BDP1: variants seen among roughly 807,000 people sequenced by gnomAD.
The protein encoded by BDP1 is BDP1 general transcription factor IIIB subunit, also known as transcription factor TFIIIB component B'' homolog.
In BDP1, 169 loss-of-function variants were observed where a neutral mutation model predicts 266.6. That is an observed-to-expected ratio of 0.63 (90% CI 0.56 to 0.72). The LOEUF (loss-of-function observed/expected upper bound fraction) is 0.72. BDP1 is among the 30% of genes least tolerant of loss of function. BDP1 has a pLI of 0.00. For missense variants in BDP1, 3,015 were observed against 3,053.8 expected (o/e 0.99, Z 0.30); for synonymous variants, 1,090 against 1,022.4 (o/e 1.07, Z -1.26).
chr5:71,494,149 C>T (rs750940580), intron 11 of BDP1, among the ~76,000 whole-genome samples: 2 of 151,888 alleles, frequency 1.3e-5, no homozygotes, highest in Non-Finnish European at 2.9e-5. Context: ...AGTTACTGAT[C>T]GGGAGATTTT....
At chr5:71,576,985 A>G in the BDP1 span, among the ~76,000 whole-genome samples, 332 of 152,292 alleles carry the variant, frequency 2.2e-3, 3 homozygotes, top group African/African-American at 7.7e-3. Context: ...TCACCACTCA[A>G]TTTACAGTTT....
Position 71,512,431 on chromosome 5 carries a change from A to T in BDP1, c.4247+3A>T, listed in dbSNP as rs754352553. ...CAGTTTTCAGATATTAATTTAAGGTACAAGTGTGTTTTTAAAGAAAAAGAT... is the reference window on the plus strand; with the variant it reads ...CAGTTTTCAGATATTAATTTAAGGTTCAAGTGTGTTTTTAAAGAAAAAGAT... On this transcript the variant is annotated splice_donor_region_variant and intron_variant, in intron 18 of 38. Transcript: ENST00000358731. The T allele has an allele frequency of 6.6e-7, 1 of 1,504,208 alleles. No homozygotes were observed. The highest frequency in any genetic ancestry group is 8.8e-7 in the Non-Finnish European group (1 of 1,130,456). The allele number at this position is 1,504,208 out of a possible 1,614,324, so 93.2% of individuals were successfully genotyped here.
At chr5:71,464,726 T>G (rs1164306795) in intron 4 of BDP1, among the ~76,000 whole-genome samples, 2 of 138,764 alleles carry the variant, frequency 1.4e-5, no homozygotes, top group Non-Finnish European at 3.2e-5. Flanking sequence ...TTTTTTTTTT[T>G]TTTTTTTTTT....
chr5:71,482,785 TA>T (rs1185710139), intron 7 of BDP1, among the ~76,000 whole-genome samples: 1 of 152,218 alleles, frequency 6.6e-6, no homozygotes, highest in Non-Finnish European at 1.5e-5. Flanking sequence ...AGGAAATGTT[TA>T]AATAACAGTA....
chr5:71,461,847 G>C lies in BDP1; in HGVS notation c.520G>C (p.Glu174Gln), dbSNP rs1458739331. 3 of 1,605,196 alleles carry C rather than the reference G, an allele frequency of 1.9e-6. No homozygotes were observed. ...ATGGAAAAACAAATATGCTATAAAT[G>C]AAAGTCAGAGGCCACCAGATCGTTC... ...KQWKNKYAIN[E>Q]SQRPPDRSKM... The change falls in exon 3 of 39, where the codon GAA (glutamate) becomes CAA (glutamine). Residue 174 changes from glutamate (E) to glutamine (Q), a missense_variant. This residue lies in a region of BDP1 where 2,383 missense variants were observed against 2,404.9 expected (regional missense o/e 0.99). Transcript: ENST00000358731.
rs375877073 is a variant in BDP1 at position 71,461,926 on chromosome 5, C to T, written c.599C>T (p.Thr200Ile). The T allele has an allele frequency of 3.0e-5, 38 of 1,285,670 alleles. No individual in the cohort carries two copies. The highest frequency in any genetic ancestry group is 9.8e-5 in the Admixed American group (5 of 50,930). The allele number at this position is 1,285,670 out of a possible 1,614,324, so 79.6% of individuals were successfully genotyped here. ...TATCTACCAGATAATAATCCAATGA[C>T]GTAAGTAAAATTTATTTCTGCTTTA... ...IYYLPDNNPM[T>I]SSLEQEKKTE... Residue 200 changes from threonine to isoleucine, a missense_variant and splice_region_variant, in exon 3 of 39, where the codon ACT becomes ATT. Transcript: ENST00000358731.
rs770842132 is a variant in BDP1 at position 71,466,067 on chromosome 5, G to A, written c.660-29G>A. On this transcript the variant is annotated intron_variant, in intron 4 of 38. Transcript: ENST00000358731. ...ATTTAGGCACACTTTTCATGCCTTTGTGAATTAACTTATCTTTATATGTGG... is the reference window on the plus strand; with the variant it reads ...ATTTAGGCACACTTTTCATGCCTTTATGAATTAACTTATCTTTATATGTGG... 2.5e-6 allele frequency: 4 copies of A among 1,606,982 alleles called. No homozygotes were observed. The African/African-American group carries it at 4.0e-5, about 16-fold the overall frequency.
chr5:71,500,282 A>ACC (rs1323657045), intron 13 of BDP1, among the ~76,000 whole-genome samples: 1 of 129,366 alleles, frequency 7.7e-6, no homozygotes, highest in Admixed American at 7.3e-5. Flanking sequence ...TTTTTTCTTT[A>ACC]CCTTTTTTTC....
chr5:71,479,203 G>A (rs376999475), intron 7 of BDP1, among the ~76,000 whole-genome samples: 3 of 151,512 alleles, frequency 2.0e-5, no homozygotes, highest in East Asian at 3.9e-4. Flanking sequence ...TCATGCGCCC[G>A]GCTAATTTTT....
chr5:71,559,147 C>T (rs542284486), intron 36 of BDP1, among the ~76,000 whole-genome samples: 33 of 152,290 alleles, frequency 2.2e-4, no homozygotes, highest in African/African-American at 7.2e-4. Context: ...GAGCGAGACT[C>T]TGTCTCAAAA....
intron 11 of BDP1, chr5:71,494,501 A>G (rs1466643489): frequency 6.6e-6 from 1 of 152,110 alleles, no homozygotes; most frequent in Non-Finnish European, 1.5e-5. Flanking sequence ...TATTTGAAAT[A>G]TTTTTTAATA....
At chr5:71,514,047 T>C (rs1765092060) in intron 19 of BDP1, among the ~76,000 whole-genome samples, 1 of 152,124 alleles carries the variant, frequency 6.6e-6, no homozygotes, top group Non-Finnish European at 1.5e-5. Context: ...TTTCACTCTC[T>C]TGTGAAGGTG....
Position 71,510,160 on chromosome 5 carries a change from A to G in BDP1, c.3068A>G (p.Glu1023Gly), listed in dbSNP as rs746182666. ...NATGRESSPR[E>G]KTPEVIDATE... ...ACTGGAAGAGAGAGTTCTCCAAGGG[A>G]GAAGACACCAGAGGTGATTGATGCT... is the stretch of plus-strand genomic sequence containing the variant. Residue 1023 changes from glutamate to glycine, a missense_variant, in exon 17 of 39, where the codon GAG (glutamate) becomes GGG (glycine). This residue lies in a region of BDP1 where 2,383 missense variants were observed against 2,404.9 expected (regional missense o/e 0.99). Transcript: ENST00000358731. The G allele has an allele frequency of 1.9e-6, 3 of 1,613,894 alleles. No homozygotes were observed. Among genetic ancestry groups the G allele is most frequent in the East Asian group, 4.5e-5 (2 of 44,814 alleles).
At chr5:71,533,674 G>A (rs932149382) in intron 26 of BDP1, among the ~76,000 whole-genome samples, 4 of 151,668 alleles carry the variant, frequency 2.6e-5, no homozygotes, top group Admixed American at 6.6e-5. Context: ...GTGTTGTTCA[G>A]GCTGGTCTCG....
At chr5:71,534,341 A>G (rs1478799546) in intron 26 of BDP1, among the ~76,000 whole-genome samples, 1 of 152,210 alleles carries the variant, frequency 6.6e-6, no homozygotes, top group Non-Finnish European at 1.5e-5. Context: ...CGAAAAGACT[A>G]TTCTTTCCCC....
chr5:71,544,832 A>G (rs1390836566), intron 31 of BDP1, among the ~76,000 whole-genome samples: 1 of 133,726 alleles, frequency 7.5e-6, no homozygotes, highest in Non-Finnish European at 1.5e-5. Context: ...GTGAGCCAAG[A>G]TCGCGCCACT....
intron 5 of BDP1, 150 bp from the exon 6 acceptor site, chr5:71,467,204 T>C (rs995457215): frequency 3.1e-6 from 2 of 639,736 alleles, no homozygotes; most frequent in Non-Finnish European, 5.2e-6. Flanking sequence ...ACTTAGCAGA[T>C]GCTTGGAAAA....
chr5:71,530,625 C>A (rs1465022426), intron 25 of BDP1, among the ~76,000 whole-genome samples: 6 of 151,944 alleles, frequency 3.9e-5, no homozygotes, highest in African/African-American at 9.7e-5. Context: ...GCTCAAGCGA[C>A]CCTCACACCT....
intron 25 of BDP1, among the ~76,000 whole-genome samples, chr5:71,529,904 G>A (rs1285788350): frequency 6.6e-6 from 1 of 152,144 alleles, no homozygotes; most frequent in African/African-American, 2.4e-5. Flanking sequence ...TGGCAGATGG[G>A]GAAGAGAGGG....
Sources: allele counts gnomAD v4.1 joint callset (sites outside exome capture counted in the v4.1 genomes callset), GRCh38; gene constraint gnomAD v4.1.1; regional missense constraint gnomAD v4.1.1; transcripts MANE v1.5; gene names NCBI Gene and HGNC (gene_info 2026-07-23, HGNC 2026-07-21).